The following SLC26A7 variants were observed in gnomAD, a reference collection of about 807,000 sequenced individuals.
SLC26A7 encodes the protein solute carrier family 26 member 7.
Under a neutral mutation model 82.5 loss-of-function variants are expected in SLC26A7, and 59 were observed. The observed-to-expected ratio is 0.72, with a 90% CI of 0.58 to 0.89. The LOEUF (loss-of-function observed/expected upper bound fraction) is 0.89, where lower values mean the gene tolerates loss of function less well. Among genes scored for constraint, SLC26A7 ranks in the 40% least tolerant of loss-of-function variants. The pLI, the probability that SLC26A7 is intolerant of heterozygous loss-of-function variation, is 0.00. For missense variants in SLC26A7, 820 were observed against 793.0 expected (o/e 1.03, Z -0.41); for synonymous variants, 271 against 274.3 (o/e 0.99, Z 0.12).
At position 91,366,576 on chromosome 8, in the gene SLC26A7, A is replaced by G. The variant is rs1329635253; in HGVS notation, c.1489-4A>G. 2 of 1,610,022 alleles carry G rather than the reference A, an allele frequency of 1.2e-6. No homozygotes were observed. The highest frequency in any genetic ancestry group is 2.7e-5 in the African/African-American group (2 of 74,452). On this transcript the variant is annotated splice_polypyrimidine_tract_variant and splice_region_variant and intron_variant, in intron 13 of 18. Coordinates refer to ENST00000276609, the MANE Select transcript of SLC26A7 (RefSeq NM_052832.4). ...GTTCTGAATCTGTTTTTCTCCTCCAAAAGGAAACCCTGCAGCAGGTGAAAA... is the reference window on the plus strand; with the variant it reads ...GTTCTGAATCTGTTTTTCTCCTCCAGAAGGAAACCCTGCAGCAGGTGAAAA...
chr8:91,316,308 G>A (rs906389338), intron 4 of SLC26A7, among the ~76,000 whole-genome samples: 1 of 151,538 alleles, frequency 6.6e-6, no homozygotes, highest in African/African-American at 2.4e-5. Flanking sequence ...TTTGAGACAG[G>A]GTCTCACTCT....
chr8:91,334,442 G>A lies in SLC26A7; in HGVS notation c.790G>A (p.Val264Ile). ...KIKVVLPVDLVLIIAASFACY... is the reference protein window; with the variant it reads ...KIKVVLPVDLILIIAASFACY... ...TAAAGTTGTTCTTCCTGTAGATTTA[G>A]TTTTGGTAAGTATAAAATCAACATT... is the stretch of plus-strand genomic sequence containing the variant. Residue 264 changes from valine (V) to isoleucine (I), a missense_variant, in exon 6 of 19, where the codon GTT becomes ATT. Physicochemically the swap from Val to Ile is conservative, Grantham distance 29. Coordinates refer to ENST00000276609, the MANE Select transcript of SLC26A7 (RefSeq NM_052832.4). 1.2e-6 allele frequency: 2 copies of A among 1,610,320 alleles called. No individual in the cohort carries two copies. Among genetic ancestry groups the A allele is most frequent in the Non-Finnish European group, 1.7e-6 (2 of 1,178,574 alleles).
At chr8:91,344,277 C>T (rs980983768) in intron 9 of SLC26A7, 1 of 888,632 alleles carries the variant, frequency 1.1e-6, no homozygotes, top group Non-Finnish European at 1.3e-6. Context: ...TTACCCAGGT[C>T]ATAGAGGTAG....
chr8:91,239,344 C>T, intron 2 of SLC26A7, among the ~76,000 whole-genome samples: 1 of 141,098 alleles, frequency 7.1e-6, no homozygotes, highest in South Asian at 2.2e-4. Context: ...CCACTGCACT[C>T]CAGCCTGGGC....
rs1277221977 is a variant in SLC26A7, at chr8:91,397,613, C to T, written c.*2516C>T. 6.6e-6 allele frequency: 1 copy of T among 152,376 alleles called. No individual in the cohort carries two copies. Among genetic ancestry groups the T allele is most frequent in the Non-Finnish European group, 1.5e-5 (1 of 67,920 alleles). 9.4% of individuals were successfully genotyped at this position (152,376 alleles called of 1,614,324 possible). On this transcript the variant is annotated 3_prime_UTR_variant, in exon 19 of 19. Transcript: ENST00000276609. Reference sequence around the variant, plus strand: ...ACATTACATTTATGCAAATTAAATGCCCTTAAATTTCACCATTTGTCTTTC... The same window carrying T: ...ACATTACATTTATGCAAATTAAATGTCCTTAAATTTCACCATTTGTCTTTC...
chr8:91,244,428 A>G (rs1810516609), upstream of SLC26A7, among the ~76,000 whole-genome samples: 1 of 145,506 alleles, frequency 6.9e-6, no homozygotes, highest in African/African-American at 2.5e-5. Context: ...TTCTTTGAAA[A>G]TGTCTTATAT....
At position 91,251,278 on chromosome 8, in the gene SLC26A7, G is replaced by A. The variant is rs1211803810; in HGVS notation, c.193+1434G>A. Among the ~76,000 whole-genome samples, 5 of 152,046 alleles carry A rather than the reference G, an allele frequency of 3.3e-5. No individual in the cohort carries two copies. In the South Asian group the frequency reaches 1.0e-3, roughly 32 times the overall value. On this transcript the variant is annotated intron_variant, in intron 2 of 18. Transcript: ENST00000276609. ...ATTATATGGCTTTTATTTGGGTATA[G>A]ATTTTGAGGGATTTTGTTTTACGAG...
chr8:91,338,280 T>G, intron 7 of SLC26A7, 48 bp downstream of exon 7: 1 of 1,422,162 alleles, frequency 7.0e-7, no homozygotes. Context: ...TTTGTTTATT[T>G]TTGATGGAGA....
At chr8:91,317,448 C>G (rs1812669159) in intron 4 of SLC26A7, among the ~76,000 whole-genome samples, 1 of 152,084 alleles carries the variant, frequency 6.6e-6, no homozygotes, top group African/African-American at 2.4e-5. Flanking sequence ...AAATATTAGC[C>G]CTTAATAATT....
intron 14 of SLC26A7, among the ~76,000 whole-genome samples, chr8:91,367,324 T>A (rs1814225058): frequency 6.6e-6 from 1 of 152,098 alleles, no homozygotes; most frequent in African/African-American, 2.4e-5. Context: ...ATCTTTTCTT[T>A]AAACAAAAAA....
chr8:91,265,880 G>T (rs765612525), intron 2 of SLC26A7, among the ~76,000 whole-genome samples: 32 of 151,936 alleles, frequency 2.1e-4, no homozygotes, highest in Non-Finnish European at 7.4e-5. Context: ...CTCCCATTCT[G>T]TAGGTTGTCT....
chr8:91,326,895 C>T lies in SLC26A7; in HGVS notation c.643-7400C>T, dbSNP rs117793105. 4.4e-3 allele frequency among the ~76,000 whole-genome samples: 677 copies of T among 152,270 alleles called. 7 individuals carry two copies. The highest frequency in any genetic ancestry group is 0.044 in the East Asian group (230 of 5,176). ...CATTCCTTGGCTTGTGGCTGCATCA[C>T]GCCAACTTCTGCCTCTGTCTTCACA... is the stretch of plus-strand genomic sequence containing the variant. On this transcript the variant is annotated intron_variant, in intron 5 of 18. Transcript: ENST00000276609.
chr8:91,225,415 A>G (rs1810219806), intron 2 of SLC26A7, among the ~76,000 whole-genome samples: 1 of 151,786 alleles, frequency 6.6e-6, no homozygotes, highest in African/African-American at 2.4e-5. Context: ...GTGGGAGGGG[A>G]TTGCCCTTCC....
rs147323322 is a variant in SLC26A7 at position 91,315,200 on chromosome 8, T to G, written c.478-3016T>G. Among the ~76,000 whole-genome samples, 7 of 152,320 alleles carry G rather than the reference T, an allele frequency of 4.6e-5. No homozygotes were observed. The South Asian group carries it at 1.0e-3, about 23-fold the overall frequency. ...ACATTCCAAGTATGCATAAATTCCATGTATGCACACTGGTTTTGCCACTTC... is the reference window on the plus strand; with the variant it reads ...ACATTCCAAGTATGCATAAATTCCAGGTATGCACACTGGTTTTGCCACTTC... On this transcript the variant is annotated intron_variant, in intron 4 of 18. Transcript: ENST00000276609.
intron 2 of SLC26A7, among the ~76,000 whole-genome samples, chr8:91,253,410 A>G (rs4469413): frequency 0.57 from 86,547 of 151,882 alleles, 27,764 homozygotes; most frequent in Middle Eastern, 0.74. Flanking sequence ...TGGGCCCTGC[A>G]GTCGCTGTAA....
At chr8:91,228,820 G>T (rs1299385726) in intron 2 of SLC26A7, among the ~76,000 whole-genome samples, 1 of 152,114 alleles carries the variant, frequency 6.6e-6, no homozygotes, top group Non-Finnish European at 1.5e-5. Flanking sequence ...GGACAAAAAA[G>T]TGCGTTTAAA....
chr8:91,242,963 A>G (rs534427966), intron 2 of SLC26A7, among the ~76,000 whole-genome samples: 1 of 152,358 alleles, frequency 6.6e-6, no homozygotes, highest in Non-Finnish European at 1.5e-5. Flanking sequence ...ACAAGGTTTA[A>G]TACCAAATAT....
At chr8:91,340,602 G>A (rs758272241) in intron 8 of SLC26A7, 51 bp downstream of exon 8, 2 of 1,602,550 alleles carry the variant, frequency 1.2e-6, no homozygotes, top group Non-Finnish European at 1.7e-6. Flanking sequence ...ATTGCACTGT[G>A]CACTCCCAGA....
At chr8:91,209,836 C>G (rs185465000) in intron 1 of SLC26A7, among the ~76,000 whole-genome samples, 90 of 152,254 alleles carry the variant, frequency 5.9e-4, no homozygotes, top group African/African-American at 1.9e-3. Context: ...AGGTTTTAAA[C>G]AACTAGAAGA....
Sources: allele counts gnomAD v4.1 joint callset (sites outside exome capture counted in the v4.1 genomes callset), GRCh38; gene constraint gnomAD v4.1.1; transcripts MANE v1.5; gene names NCBI Gene and HGNC (gene_info 2026-07-23, HGNC 2026-07-21).